SGMS1: variants seen among roughly 807,000 people sequenced by gnomAD.
The protein encoded by SGMS1 is phosphatidylcholine:ceramide cholinephosphotransferase 1.
A neutral mutation model predicts 46.2 loss-of-function variants in SGMS1; 13 were observed. That is an observed-to-expected ratio of 0.28 (90% CI 0.18 to 0.45). The LOEUF is 0.45. Ranked by LOEUF, SGMS1 falls within the 20% of genes least tolerant of loss-of-function variation. SGMS1 has a pLI of 1.00. For missense variants in SGMS1, 324 were observed against 519.9 expected (o/e 0.62, Z 3.66); for synonymous variants, 203 against 187.8 (o/e 1.08, Z -0.66).
intron 2 of SGMS1, among the ~76,000 whole-genome samples, chr10:50,533,270 A>G (rs1837971273): frequency 6.6e-6 from 1 of 152,212 alleles, no homozygotes; most frequent in African/African-American, 2.4e-5. Context: ...CTTTTATTTT[A>G]GGTTTACTTT....
chr10:50,611,256 G>A (rs1310541660), intron 1 of SGMS1, among the ~76,000 whole-genome samples: 1 of 152,188 alleles, frequency 6.6e-6, no homozygotes, highest in East Asian at 1.9e-4. Context: ...GTCACCCTCT[G>A]CTGCCACATC....
chr10:50,615,348 T>A (rs1360763956), intron 1 of SGMS1, among the ~76,000 whole-genome samples: 1 of 152,214 alleles, frequency 6.6e-6, no homozygotes, highest in African/African-American at 2.4e-5. Context: ...GTTGTCATAA[T>A]AACAGCTAAC....
chr10:50,344,584 G>A (rs1319497335), intron 6 of SGMS1, among the ~76,000 whole-genome samples: 2 of 152,088 alleles, frequency 1.3e-5, no homozygotes, highest in Non-Finnish European at 2.9e-5. Context: ...AATTTCCAAC[G>A]GTCAGCCGGG....
chr10:50,607,024 G>C (rs1434370372), intron 1 of SGMS1, among the ~76,000 whole-genome samples: 2 of 150,994 alleles, frequency 1.3e-5, no homozygotes, highest in African/African-American at 4.9e-5. Flanking sequence ...CATCACCCAG[G>C]CTGAAGTGCA....
At position 50,305,986 on chromosome 10, in the gene SGMS1, A is replaced by T. The variant is rs1847177808; in HGVS notation, c.*1156T>A. The T allele has an allele frequency of 6.5e-6, 1 of 152,678 alleles. No homozygotes were observed. The highest frequency in any genetic ancestry group is 2.4e-5 in the African/African-American group (1 of 41,450). 9.5% of individuals were successfully genotyped at this position (152,678 alleles called of 1,614,324 possible). A position where few individuals can be genotyped will look rare whatever the true frequency, so the allele number is the denominator to read the frequency against. ...GCACAAATATCTTTTAAAGAAATAG[A>T]TCTCTTTTTTGTTGTTCACCAACAA... On this transcript the variant is annotated 3_prime_UTR_variant, in exon 11 of 11. Coordinates refer to ENST00000361781, the MANE Select transcript of SGMS1 (RefSeq NM_147156.4).
At chr10:50,318,976 TA>T (rs1847394826) in intron 8 of SGMS1, among the ~76,000 whole-genome samples, 1 of 152,166 alleles carries the variant, frequency 6.6e-6, no homozygotes. Flanking sequence ...CCGGAAGACT[TA>T]TCAAAGGCTT....
At chr10:50,327,414 C>T (rs1847549354) in intron 7 of SGMS1, 92 bp from the exon 8 acceptor site, 3 of 757,776 alleles carry the variant, frequency 4.0e-6, no homozygotes, top group Non-Finnish European at 4.6e-6. Flanking sequence ...AAAAACAAAC[C>T]CCAAAAACTA....
intron 3 of SGMS1, among the ~76,000 whole-genome samples, chr10:50,485,052 G>A (rs907742314): frequency 1.3e-5 from 2 of 152,032 alleles, no homozygotes; most frequent in African/African-American, 2.4e-5. Flanking sequence ...CAGGGCAATA[G>A]GGCAAGAGAA....
intron 8 of SGMS1, among the ~76,000 whole-genome samples, chr10:50,319,424 A>G (rs538469119): frequency 1.3e-5 from 2 of 152,326 alleles, no homozygotes; most frequent in Admixed American, 6.5e-5. Context: ...CAATTATATA[A>G]TACTACCATA....
chr10:50,433,921 G>A (rs1849439686), intron 5 of SGMS1, among the ~76,000 whole-genome samples: 1 of 152,098 alleles, frequency 6.6e-6, no homozygotes, highest in East Asian at 1.9e-4. Flanking sequence ...CCTCAAAAGT[G>A]AAGGATTAAT....
intron 6 of SGMS1, among the ~76,000 whole-genome samples, chr10:50,363,554 A>G (rs893596766): frequency 2.6e-5 from 4 of 152,180 alleles, no homozygotes; most frequent in Non-Finnish European, 5.9e-5. Context: ...AGAGACATGG[A>G]GAGTTTCTAG....
chr10:50,570,900 T>C (rs1838331548), intron 2 of SGMS1, among the ~76,000 whole-genome samples: 1 of 141,676 alleles, frequency 7.1e-6, no homozygotes, highest in African/African-American at 2.4e-5. Context: ...ATCACACCAC[T>C]GCACTCCAGC....
chr10:50,472,639 G>T (rs1229405275), intron 3 of SGMS1, among the ~76,000 whole-genome samples: 1 of 152,124 alleles, frequency 6.6e-6, no homozygotes, highest in Non-Finnish European at 1.5e-5. Flanking sequence ...ATAAACATGG[G>T]AGTGCACATA....
chr10:50,575,156 G>C (rs1290237213), intron 2 of SGMS1, among the ~76,000 whole-genome samples: 1 of 151,732 alleles, frequency 6.6e-6, no homozygotes, highest in East Asian at 1.9e-4. Context: ...TAGATATGAA[G>C]TTACATACAA....
chr10:50,368,990 T>C (rs74131286), intron 6 of SGMS1, among the ~76,000 whole-genome samples: 240 of 152,332 alleles, frequency 1.6e-3, no homozygotes, highest in African/African-American at 5.4e-3. Flanking sequence ...TCACAAGCAT[T>C]TATGAAGTCT....
At chr10:50,461,291 C>T (rs1031294518) in intron 4 of SGMS1, among the ~76,000 whole-genome samples, 10 of 152,066 alleles carry the variant, frequency 6.6e-5, no homozygotes, top group African/African-American at 2.4e-4. Flanking sequence ...CAAAACATTA[C>T]CCTCATAAGT....
chr10:50,561,608 C>T (rs188428841), intron 2 of SGMS1, among the ~76,000 whole-genome samples: 22 of 152,294 alleles, frequency 1.4e-4, no homozygotes, highest in Admixed American at 2.0e-4. Flanking sequence ...AAAGCAGCTA[C>T]CACAGACACC....
At chr10:50,492,311 T>C (rs1837574168) in intron 3 of SGMS1, among the ~76,000 whole-genome samples, 1 of 152,202 alleles carries the variant, frequency 6.6e-6, no homozygotes, top group African/African-American at 2.4e-5. Flanking sequence ...TTGGAAGTTC[T>C]GGCCATGGCA....
intron 6 of SGMS1, among the ~76,000 whole-genome samples, chr10:50,379,463 C>T (rs1053188729): frequency 2.0e-5 from 3 of 151,456 alleles, no homozygotes; most frequent in Non-Finnish European, 4.4e-5. Flanking sequence ...TATATGTGCA[C>T]GTGTATGTAA....
Sources: allele counts gnomAD v4.1 joint callset (sites outside exome capture counted in the v4.1 genomes callset), GRCh38; gene constraint gnomAD v4.1.1; transcripts MANE v1.5; gene names NCBI Gene and HGNC (gene_info 2026-07-23, HGNC 2026-07-21).